The following CTNNA3 variants were observed in gnomAD, a reference collection of about 807,000 sequenced individuals.
CTNNA3 encodes catenin alpha 3.
In CTNNA3, 76 loss-of-function variants were observed where a neutral mutation model predicts 95.7. The ratio of observed to expected loss-of-function variants is 0.79; its 90% CI spans 0.66 to 0.96. The LOEUF (loss-of-function observed/expected upper bound fraction) is 0.96. Ranked by LOEUF, CTNNA3 falls within the 40% of genes least tolerant of loss-of-function variation. CTNNA3 has a pLI of 0.00. For missense variants in CTNNA3, 1,191 were observed against 1,089.8 expected, an observed-to-expected ratio of 1.09 and a Z score of -1.31; for synonymous variants, 431 against 374.4, an observed-to-expected ratio of 1.15 and a Z score of -1.74.
intron 13 of CTNNA3, among the ~76,000 whole-genome samples, chr10:66,138,649 T>G (rs1316452148): frequency 6.6e-6 from 1 of 152,058 alleles, no homozygotes; most frequent in African/African-American, 2.4e-5. Context: ...GCCAGCATGG[T>G]GAAACCCGGT....
intron 13 of CTNNA3, among the ~76,000 whole-genome samples, chr10:66,193,628 A>G (rs1256586175): frequency 6.6e-6 from 1 of 152,230 alleles, no homozygotes; most frequent in Non-Finnish European, 1.5e-5. Flanking sequence ...AATATAGCAC[A>G]GTATAGATGT....
intron 15 of CTNNA3, among the ~76,000 whole-genome samples, chr10:66,007,739 T>TTCCTTCCTCTCTCCC (rs1322739161): frequency 2.1e-4 from 6 of 28,626 alleles, no homozygotes; most frequent in East Asian, 4.3e-3. Context: ...TCTTCCTCCC[T>TTCCTTCCTCTCTCCC]ACCTTCCTTT....
chr10:67,490,348 G>C (rs904412850), intron 5 of CTNNA3, among the ~76,000 whole-genome samples: 1 of 152,124 alleles, frequency 6.6e-6, no homozygotes, highest in South Asian at 2.1e-4. Context: ...ATTCTGGATA[G>C]CCAAGGTGAT....
At chr10:66,363,136 C>T (rs1433348988) in intron 12 of CTNNA3, among the ~76,000 whole-genome samples, 1 of 152,176 alleles carries the variant, frequency 6.6e-6, no homozygotes, top group Non-Finnish European at 1.5e-5. Flanking sequence ...CCAAAAAAAT[C>T]TCCTTTGCTA....
intron 12 of CTNNA3, among the ~76,000 whole-genome samples, chr10:66,339,534 A>G (rs911441273): frequency 6.6e-6 from 1 of 151,828 alleles, no homozygotes; most frequent in Non-Finnish European, 1.5e-5. Context: ...AAAAAGATAG[A>G]TAAAGACAGT....
At chr10:66,918,931 T>G (rs1846638208) in intron 7 of CTNNA3, among the ~76,000 whole-genome samples, 1 of 151,922 alleles carries the variant, frequency 6.6e-6, no homozygotes, top group South Asian at 2.1e-4. Context: ...GTCAGGAGAT[T>G]GAGACCATCC....
chr10:67,722,997 T>G (rs541007717), intron 1 of CTNNA3, among the ~76,000 whole-genome samples: 2 of 150,244 alleles, frequency 1.3e-5, no homozygotes, highest in African/African-American at 4.9e-5. Flanking sequence ...TTTTTTTTTT[T>G]TTTTTTTGAG....
chr10:66,977,198 G>T (rs1267278790), intron 7 of CTNNA3, among the ~76,000 whole-genome samples: 1 of 152,092 alleles, frequency 6.6e-6, no homozygotes, highest in Admixed American at 6.6e-5. Context: ...TAGCACTTTG[G>T]GAGGCCGAGG....
intron 13 of CTNNA3, among the ~76,000 whole-genome samples, chr10:66,230,113 CT>C (rs1234271984): frequency 6.6e-6 from 1 of 152,086 alleles, no homozygotes; most frequent in African/African-American, 2.4e-5. Context: ...TGCTAAATGT[CT>C]CTTTCAGATC....
At chr10:67,758,307 T>C (rs12241941) in intron 1 of CTNNA3, among the ~76,000 whole-genome samples, 12 of 71,850 alleles carry the variant, frequency 1.7e-4, no homozygotes, top group East Asian at 3.2e-4. Context: ...CACACACACA[T>C]ATATATAAAT....
intron 5 of CTNNA3, among the ~76,000 whole-genome samples, chr10:67,482,898 C>T (rs1458429599): frequency 6.6e-6 from 1 of 152,066 alleles, no homozygotes; most frequent in Non-Finnish European, 1.5e-5. Context: ...TCATAGATAG[C>T]TCTTACTATT....
chr10:67,672,763 C>A (rs112851958), intron 1 of CTNNA3, among the ~76,000 whole-genome samples: 2 of 151,860 alleles, frequency 1.3e-5, no homozygotes, highest in African/African-American at 4.8e-5. Flanking sequence ...GTTACTGTAG[C>A]CTTGTAGTAT....
chr10:66,442,100 G>A (rs576872276), intron 11 of CTNNA3, among the ~76,000 whole-genome samples: 69 of 152,142 alleles, frequency 4.5e-4, no homozygotes, highest in African/African-American at 1.5e-3. Context: ...TATTGAACAC[G>A]TACAGACATT....
intron 11 of CTNNA3, among the ~76,000 whole-genome samples, chr10:66,478,875 C>T (rs1243174987): frequency 6.6e-6 from 1 of 151,716 alleles, no homozygotes; most frequent in African/African-American, 2.4e-5. Context: ...AGCTGTACAC[C>T]TGTGATTTCT....
intron 7 of CTNNA3, among the ~76,000 whole-genome samples, chr10:66,883,553 T>C (rs1844925423): frequency 6.6e-6 from 1 of 152,158 alleles, no homozygotes; most frequent in South Asian, 2.1e-4. Flanking sequence ...CTTACATGTA[T>C]GACCTCTGCT....
intron 9 of CTNNA3, among the ~76,000 whole-genome samples, chr10:66,734,884 A>G (rs1002054863): frequency 4.6e-5 from 7 of 151,802 alleles, no homozygotes; most frequent in African/African-American, 1.7e-4. Context: ...AAAAAAAAAA[A>G]AAAAGAAATT....
intron 4 of CTNNA3, among the ~76,000 whole-genome samples, chr10:67,536,168 T>C (rs1840480442): frequency 6.6e-6 from 1 of 152,070 alleles, no homozygotes; most frequent in Non-Finnish European, 1.5e-5. Context: ...ATTTACCATA[T>C]AAAGAACATC....
intron 12 of CTNNA3, among the ~76,000 whole-genome samples, chr10:66,311,796 G>A (rs188549729): frequency 2.0e-4 from 30 of 152,082 alleles, no homozygotes; most frequent in African/African-American, 6.3e-4. Context: ...TTTTTTTTAC[G>A]TTGCTCCCTG....
intron 3 of CTNNA3, among the ~76,000 whole-genome samples, chr10:67,597,715 T>C (rs1370988117): frequency 1.3e-5 from 2 of 152,172 alleles, no homozygotes; most frequent in Non-Finnish European, 2.9e-5. Flanking sequence ...GTGGGGTTCA[T>C]GCTCACATGT....
Sources: gnomAD v4.1 joint callset for allele counts (sites outside exome capture counted in the v4.1 genomes callset) on GRCh38, gnomAD v4.1.1 for gene constraint, MANE v1.5 for transcripts, NCBI Gene and HGNC (gene_info 2026-07-23, HGNC 2026-07-21) for gene names.